The following CACNA1C variants were observed in gnomAD, a reference collection of about 807,000 sequenced individuals.
The protein encoded by CACNA1C is calcium voltage-gated channel subunit alpha1 C.
A neutral mutation model predicts 229.0 loss-of-function variants in CACNA1C; 30 were observed. The observed-to-expected ratio is 0.13, with a 90% CI of 0.10 to 0.18. CACNA1C has a LOEUF of 0.18. CACNA1C is among the 10% of genes least tolerant of loss of function. The probability of loss-of-function intolerance (pLI) is 1.00; values close to 1 mark genes in which losing one functional copy is unlikely to be tolerated. For missense variants in CACNA1C, 1,658 were observed against 2,845.0 expected, an observed-to-expected ratio of 0.58 and a Z score of 9.49; for synonymous variants, 1,114 against 1,132.5, an observed-to-expected ratio of 0.98 and a Z score of 0.33.
At chr12:2,498,018 C>G (rs1358703568) in intron 7 of CACNA1C, among the ~76,000 whole-genome samples, 1 of 147,238 alleles carries the variant, frequency 6.8e-6, no homozygotes, top group Non-Finnish European at 1.5e-5. Flanking sequence ...CTATTAATCT[C>G]TTGGTATTGG....
At chr12:2,379,995 C>A (rs1341599801) in intron 3 of CACNA1C, among the ~76,000 whole-genome samples, 1 of 135,100 alleles carries the variant, frequency 7.4e-6, no homozygotes, top group Non-Finnish European at 1.6e-5. Flanking sequence ...CCCGCCACTG[C>A]ACTCCAGCCT....
At chr12:2,497,846 A>G (rs928428110) in intron 7 of CACNA1C, among the ~76,000 whole-genome samples, 1 of 152,310 alleles carries the variant, frequency 6.6e-6, no homozygotes, top group East Asian at 1.9e-4. Context: ...GGTTCAGCCA[A>G]CAGGAGACTC....
At chr12:2,626,208 A>T (rs1170040799) in intron 29 of CACNA1C, among the ~76,000 whole-genome samples, 4 of 152,198 alleles carry the variant, frequency 2.6e-5, no homozygotes, top group Admixed American at 6.5e-5. Flanking sequence ...ACCTCTGCCC[A>T]GCGCCCTGCC....
At chr12:2,238,804 C>G (rs933416366) in intron 3 of CACNA1C, among the ~76,000 whole-genome samples, 4 of 152,158 alleles carry the variant, frequency 2.6e-5, no homozygotes, top group African/African-American at 9.7e-5. Flanking sequence ...AGAAAATCTG[C>G]CTGGTTAAGG....
intron 9 of CACNA1C, among the ~76,000 whole-genome samples, chr12:2,516,793 A>T (rs370483021): frequency 6.6e-6 from 1 of 152,150 alleles, no homozygotes; most frequent in Non-Finnish European, 1.5e-5. Flanking sequence ...CCAGGTGGAG[A>T]TGTTGAGTAT....
intron 3 of CACNA1C, among the ~76,000 whole-genome samples, chr12:2,443,935 T>C (rs915375126): frequency 6.6e-6 from 1 of 152,196 alleles, no homozygotes; most frequent in African/African-American, 2.4e-5. Flanking sequence ...TGAATAACAC[T>C]GCTTCTTGCA....
intron 1 of CACNA1C, among the ~76,000 whole-genome samples, chr12:2,105,007 T>C (rs555125783): frequency 1.3e-5 from 2 of 152,348 alleles, no homozygotes; most frequent in African/African-American, 4.8e-5. Context: ...AAGGGCGTTA[T>C]ATCAGGGTCC....
At chr12:2,668,838 A>T in intron 37 of CACNA1C, 95 bp from the exon 38 acceptor site, 2 of 792,168 alleles carry the variant, frequency 2.5e-6, no homozygotes, top group South Asian at 3.0e-5. Context: ...TTGGGCGAGG[A>T]CACAGAGCCA....
chr12:2,562,721 C>G (rs2048161604), intron 11 of CACNA1C, among the ~76,000 whole-genome samples: 1 of 152,152 alleles, frequency 6.6e-6, no homozygotes, highest in African/African-American at 2.4e-5. Flanking sequence ...ATTTAGAAAT[C>G]ATAACGTTTT....
At position 2,582,920 on chromosome 12, in the gene CACNA1C, C is replaced by T. The variant is rs1279613151; in HGVS notation, c.2202C>T (p.Ile734=). The T allele has an allele frequency of 6.3e-7, 1 of 1,582,006 alleles. No individual in the cohort carries two copies. The highest frequency in any genetic ancestry group is 8.6e-7 in the Non-Finnish European group (1 of 1,162,740). ...GGATGTTAGTCTGTATTTACTTCAT[C>T]ATCCTCTTCATCTGTGGAAACTGTA... The part of the protein sequence containing the change: ...FPGMLVCIYF[I]ILFICGNYIL... The change falls in exon 15 of 47, where the codon ATC becomes ATT. Residue 734 remains isoleucine (I), a synonymous_variant. Transcript: ENST00000399655.
rs973583109 is a variant in CACNA1C at position 2,467,731 on chromosome 12, C to T, written c.757+10025C>T. Among the ~76,000 whole-genome samples, 2 of 152,188 alleles carry T rather than the reference C, an allele frequency of 1.3e-5. No homozygotes were observed. Among genetic ancestry groups the T allele is most frequent in the African/African-American group, 4.8e-5 (2 of 41,466 alleles). On this transcript the variant is annotated intron_variant, in intron 5 of 46. Coordinates refer to ENST00000399655, the MANE Select transcript of CACNA1C (RefSeq NM_000719.7). This position sits in a 1 kb window ranked among gnomAD's most constrained non-coding sequence, Gnocchi z 4.6. ...CCTCTCCCCCGGTGTCTCCTGATCT[C>T]CCAGTGTGGACGGTCTTTCCCCTTG...
chr12:2,668,802 C>G, intron 37 of CACNA1C, 131 bp from the exon 38 acceptor site: 1 of 672,686 alleles, frequency 1.5e-6, no homozygotes, highest in Non-Finnish European at 2.7e-6. Flanking sequence ...ACCTCCAATT[C>G]TGGGGATTAC....
rs547730366 is a variant in CACNA1C, at chr12:1,971,835, T to A, written c.139+634T>A. Among the ~76,000 whole-genome samples, 32 of 152,374 alleles carry A rather than the reference T, an allele frequency of 2.1e-4. No individual in the cohort carries two copies. The highest frequency in any genetic ancestry group is 7.7e-4 in the African/African-American group (32 of 41,596). The stretch of plus-strand genomic sequence containing the variant: ...CTGTTTGATCTGTTCTTTTAAGATA[T>A]TTATAATTTGTTTTATATTTTTACC... On this transcript the variant is annotated intron_variant, in intron 1 of 46. Transcript: ENST00000682462. This position sits in a 1 kb window ranked among gnomAD's most constrained non-coding sequence, Gnocchi z 4.2.
chr12:2,455,113 G>A (rs530793402), intron 4 of CACNA1C, among the ~76,000 whole-genome samples: 7 of 152,210 alleles, frequency 4.6e-5, no homozygotes, highest in African/African-American at 1.7e-4. Flanking sequence ...GTTCCCTCTC[G>A]CTTCTATGTC....
At chr12:2,391,739 C>G (rs1225828192) in intron 3 of CACNA1C, among the ~76,000 whole-genome samples, 2 of 152,156 alleles carry the variant, frequency 1.3e-5, no homozygotes, top group Non-Finnish European at 2.9e-5. Context: ...AAGGAAGTCC[C>G]TTTTTACAGT....
At chr12:2,018,418 C>T (rs1168644939) in intron 1 of CACNA1C, 1 of 152,094 alleles carries the variant, frequency 6.6e-6, no homozygotes, top group Admixed American at 6.5e-5. Flanking sequence ...GTTGAACAAT[C>T]GGCTGGCAAA....
At chr12:2,231,677 G>T (rs2065184108) in intron 3 of CACNA1C, among the ~76,000 whole-genome samples, 1 of 152,180 alleles carries the variant, frequency 6.6e-6, no homozygotes, top group South Asian at 2.1e-4. Context: ...GTACACACCT[G>T]TTGGATACAC....
chr12:2,174,065 T>C (rs2096573430), intron 3 of CACNA1C, among the ~76,000 whole-genome samples: 1 of 152,110 alleles, frequency 6.6e-6, no homozygotes, highest in Non-Finnish European at 1.5e-5. Flanking sequence ...ATAATATGTT[T>C]AGTTGTGGTT....
intron 3 of CACNA1C, among the ~76,000 whole-genome samples, chr12:2,445,610 G>T (rs756232205): frequency 2.0e-5 from 3 of 152,148 alleles, no homozygotes; most frequent in African/African-American, 4.8e-5. Context: ...CTCAAAAAGA[G>T]ATATGCCAGG....
Sources: gnomAD v4.1 joint callset for allele counts (sites outside exome capture counted in the v4.1 genomes callset) on GRCh38, gnomAD v4.1.1 for gene constraint, Gnocchi (gnomAD v3.1) non-coding constraint, MANE v1.5 for transcripts, NCBI Gene and HGNC (gene_info 2026-07-23, HGNC 2026-07-21) for gene names.